DLG2: variants seen among roughly 807,000 people sequenced by gnomAD.
The protein encoded by DLG2 is discs large MAGUK scaffold protein 2, also known as disks large homolog 2.
Under a neutral mutation model 132.5 loss-of-function variants are expected in DLG2, and 45 were observed. The ratio of observed to expected loss-of-function variants is 0.34; its 90% CI spans 0.27 to 0.44. The LOEUF is 0.44. Ranked by LOEUF, DLG2 falls within the 20% of genes least tolerant of loss-of-function variation. DLG2 has a pLI of 1.00. For synonymous variants in DLG2, 424 were observed against 419.6 expected, an observed-to-expected ratio of 1.01 and a Z score of -0.13; for missense variants, 1,045 against 1,196.9, an observed-to-expected ratio of 0.87 and a Z score of 1.87.
intron 3 of DLG2, among the ~76,000 whole-genome samples, chr11:85,381,910 C>G (rs759798873): frequency 6.6e-6 from 1 of 152,008 alleles, no homozygotes; most frequent in Non-Finnish European, 1.5e-5. Context: ...TGGCAATACT[C>G]CCTAACTGAT....
Position 85,285,465 on chromosome 11 carries a change from A to T in DLG2, c.41-100T>A, listed in dbSNP as rs2078496307. The T allele has an allele frequency of 1.3e-5, 15 of 1,136,404 alleles. No homozygotes were observed. The South Asian group carries it at 2.4e-4, about 19-fold the overall frequency. The allele number at this position is 1,136,404 out of a possible 1,614,324, so 70.4% of individuals were successfully genotyped here. A position where few individuals can be genotyped will look rare whatever the true frequency, so the allele number is the denominator to read the frequency against. Reference sequence around the variant, plus strand: ...ATATAGACATACAGAAATTTTGCTGATTAAAAGAACTGCATAAATATATAT... The same window carrying T: ...ATATAGACATACAGAAATTTTGCTGTTTAAAAGAACTGCATAAATATATAT... On this transcript the variant is annotated intron_variant, in intron 3 of 27. Transcript: ENST00000376104.
intron 17 of DLG2, among the ~76,000 whole-genome samples, chr11:83,819,342 T>C (rs1001793007): frequency 1.3e-5 from 2 of 151,506 alleles, no homozygotes; most frequent in Non-Finnish European, 2.9e-5. Flanking sequence ...TTGTGGTACA[T>C]GCCTGTAACC....
intron 3 of DLG2, among the ~76,000 whole-genome samples, chr11:85,413,487 G>A (rs1405790287): frequency 6.6e-6 from 1 of 151,996 alleles, no homozygotes; most frequent in Non-Finnish European, 1.5e-5. Context: ...CTAAGCCAAT[G>A]TCTAGAAGGA....
chr11:83,862,358 G>A (rs1200478457), intron 16 of DLG2, among the ~76,000 whole-genome samples: 1 of 152,098 alleles, frequency 6.6e-6, no homozygotes, highest in African/African-American at 2.4e-5. Context: ...ACAAACTTTG[G>A]ATGTTCCCAC....
intron 3 of DLG2, among the ~76,000 whole-genome samples, chr11:85,473,976 G>A (rs755145191): frequency 4.6e-5 from 7 of 151,710 alleles, no homozygotes; most frequent in Non-Finnish European, 5.9e-5. Context: ...CAAATATATC[G>A]GTAGCCTCAA....
chr11:83,525,778 T>C (rs2095593515), intron 21 of DLG2, among the ~76,000 whole-genome samples: 1 of 152,162 alleles, frequency 6.6e-6, no homozygotes, highest in Admixed American at 6.6e-5. Flanking sequence ...TAAAGAGCTT[T>C]CTTTCGAGGG....
In DLG2 at chr11:84,032,555, T is replaced by C. The variant is rs531335666; in HGVS notation, c.919+26760A>G. Among the ~76,000 whole-genome samples, 3 of 152,272 alleles carry C rather than the reference T, an allele frequency of 2.0e-5. No individual in the cohort carries two copies. The South Asian group carries it at 6.2e-4, about 32-fold the overall frequency. Reference sequence around the variant, plus strand: ...AGGGAAATAAGCCATCTCCTTAACATGAAAGTGCAAGGTGAAGCAGGAGGT... The same window carrying C: ...AGGGAAATAAGCCATCTCCTTAACACGAAAGTGCAAGGTGAAGCAGGAGGT... On this transcript the variant is annotated intron_variant, in intron 11 of 27. Transcript: ENST00000376104.
At chr11:83,614,487 G>A (rs918510446) in intron 19 of DLG2, among the ~76,000 whole-genome samples, 2 of 152,200 alleles carry the variant, frequency 1.3e-5, no homozygotes, top group Admixed American at 1.3e-4. Flanking sequence ...GGGAGGCGGA[G>A]GTGGGTGGAT....
intron 8 of DLG2, among the ~76,000 whole-genome samples, chr11:84,211,198 C>T (rs2096749746): frequency 6.6e-6 from 1 of 152,012 alleles, no homozygotes; most frequent in Non-Finnish European, 1.5e-5. Flanking sequence ...CAATTAAGCC[C>T]TCTCATATTG....
At chr11:85,321,227 C>T (rs1182383328) in intron 3 of DLG2, among the ~76,000 whole-genome samples, 12 of 151,724 alleles carry the variant, frequency 7.9e-5, no homozygotes, top group African/African-American at 2.7e-4. Context: ...AGTTTTTTAG[C>T]CTGGGCAAGT....
chr11:84,302,238 C>T (rs1384624373), intron 7 of DLG2, among the ~76,000 whole-genome samples: 2 of 152,026 alleles, frequency 1.3e-5, no homozygotes, highest in Admixed American at 6.6e-5. Flanking sequence ...AAGAGAAATA[C>T]CTAATGTAGA....
chr11:85,302,290 A>T (rs1025354676), intron 3 of DLG2, among the ~76,000 whole-genome samples: 2 of 96,572 alleles, frequency 2.1e-5, no homozygotes, highest in African/African-American at 7.9e-5. Flanking sequence ...TAATAATACT[A>T]CTACATAAAG....
intron 9 of DLG2, among the ~76,000 whole-genome samples, chr11:84,157,418 C>A (rs1030337618): frequency 4.6e-5 from 7 of 152,140 alleles, no homozygotes; most frequent in Admixed American, 4.6e-4. Context: ...AGGCCGTCAT[C>A]CACTACTTTT....
intron 18 of DLG2, among the ~76,000 whole-genome samples, chr11:83,648,814 T>C (rs2069086598): frequency 6.6e-6 from 1 of 152,158 alleles, no homozygotes; most frequent in Non-Finnish European, 1.5e-5. Flanking sequence ...CTATGCATTA[T>C]GTCAACATTG....
intron 16 of DLG2, among the ~76,000 whole-genome samples, chr11:83,850,315 G>A (rs892891724): frequency 1.4e-4 from 21 of 151,968 alleles, no homozygotes; most frequent in Admixed American, 2.0e-4. Flanking sequence ...CACCACTCCC[G>A]GCTAATTTTT....
intron 6 of DLG2, among the ~76,000 whole-genome samples, chr11:84,829,860 A>G (rs2078802056): frequency 6.6e-6 from 1 of 151,652 alleles, no homozygotes; most frequent in South Asian, 2.1e-4. Context: ...TTAAAAATAA[A>G]TAGAATAGAA....
intron 21 of DLG2, among the ~76,000 whole-genome samples, chr11:83,493,801 T>G (rs2094004478): frequency 6.6e-6 from 1 of 152,124 alleles, no homozygotes; most frequent in Non-Finnish European, 1.5e-5. Context: ...CTGGCTTATT[T>G]GTAAAAAAGT....
chr11:84,156,462 T>C (rs1303454310), intron 9 of DLG2, among the ~76,000 whole-genome samples: 1 of 152,208 alleles, frequency 6.6e-6, no homozygotes, highest in Non-Finnish European at 1.5e-5. Flanking sequence ...CTAAAATGAC[T>C]ATCAGCTACC....
intron 7 of DLG2, among the ~76,000 whole-genome samples, chr11:84,360,573 C>T (rs2154420115): frequency 6.6e-6 from 1 of 152,058 alleles, no homozygotes; most frequent in South Asian, 2.1e-4. Context: ...AGGCAGTTTT[C>T]AGGAAAGAGA....
Sources: gnomAD v4.1 joint callset for allele counts (sites outside exome capture counted in the v4.1 genomes callset) on GRCh38, gnomAD v4.1.1 for gene constraint, MANE v1.5 for transcripts, NCBI Gene and HGNC (gene_info 2026-07-23, HGNC 2026-07-21) for gene names.